Variants in WWOX observed in about 807,000 individuals in gnomAD.
WWOX encodes the protein WW domain containing oxidoreductase.
In WWOX, 69 loss-of-function variants were observed where a neutral mutation model predicts 46.2. The observed-to-expected ratio is 1.49, with a 90% CI of 1.23 to 1.82. WWOX has a LOEUF of 1.82. Ranked by LOEUF, WWOX falls within the 40% of genes most tolerant of loss-of-function variation. WWOX has a pLI of 0.00. For missense variants in WWOX, 919 were observed against 542.6 expected (o/e 1.69, Z -6.89); for synonymous variants, 359 against 202.6 (o/e 1.77, Z -6.56).
rs189157268 is a variant in WWOX, at chr16:78,182,820, G to A, written c.516+18531G>A. 3.0e-4 allele frequency among the ~76,000 whole-genome samples: 45 copies of A among 151,936 alleles called. No individual in the cohort carries two copies. In the East Asian group the frequency reaches 8.6e-3, roughly 29 times the overall value. On this transcript the variant is annotated intron_variant, in intron 5 of 8. Transcript: ENST00000566780. ...ACAAAAATTAGCAGGGCATGGTGGC[G>A]GGTACCTGTAGTGCCAGCTGCTTGG...
At chr16:78,143,018 T>C (rs2034040003) in intron 4 of WWOX, among the ~76,000 whole-genome samples, 1 of 152,206 alleles carries the variant, frequency 6.6e-6, no homozygotes, top group Non-Finnish European at 1.5e-5. Flanking sequence ...AACACATTTG[T>C]CAGTTTTACA....
intron 8 of WWOX, among the ~76,000 whole-genome samples, chr16:78,987,108 T>G (rs1286433974): frequency 1.3e-5 from 2 of 152,204 alleles, no homozygotes; most frequent in Non-Finnish European, 1.5e-5. Context: ...AACTTGCCAC[T>G]TTGATAGCAG....
chr16:78,975,976 G>T (rs372796898), intron 8 of WWOX, among the ~76,000 whole-genome samples: 2 of 152,284 alleles, frequency 1.3e-5, no homozygotes, highest in East Asian at 3.9e-4. Context: ...AGTTGCCGGT[G>T]CTTGGAAACC....
At chr16:78,795,856 A>G (rs938562133) in intron 8 of WWOX, among the ~76,000 whole-genome samples, 1 of 152,192 alleles carries the variant, frequency 6.6e-6, no homozygotes. Context: ...TGAGTACCCA[A>G]TAAATGCAAT....
rs2080902072 is a variant in WWOX, at chr16:78,336,852, G to C, written c.517-50008G>C. ...TCATTTCCCAGGATGGAGTGCAGTG[G>C]TGCAATCTCCTCCGCCTCCCAGTTT... On this transcript the variant is annotated intron_variant, in intron 5 of 8. Transcript: ENST00000566780. 3.3e-5 allele frequency among the ~76,000 whole-genome samples: 5 copies of C among 152,116 alleles called. No individual in the cohort carries two copies. The South Asian group carries it at 1.0e-3, about 32-fold the overall frequency.
In WWOX at chr16:78,685,267, C is replaced by T. The variant is rs570785763; in HGVS notation, c.1056+252515C>T. 2.0e-5 allele frequency among the ~76,000 whole-genome samples: 3 copies of T among 152,264 alleles called. No homozygotes were observed. The South Asian group carries it at 6.2e-4, about 32-fold the overall frequency. ...TCAAGTGTTTGGTTTGGTCTTGTTTCTAATGACTCAAGTGATGAGGCCTGG... is the reference window on the plus strand; with the variant it reads ...TCAAGTGTTTGGTTTGGTCTTGTTTTTAATGACTCAAGTGATGAGGCCTGG... On this transcript the variant is annotated intron_variant, in intron 8 of 8. Coordinates refer to ENST00000566780, the MANE Select transcript of WWOX (RefSeq NM_016373.4).
At chr16:79,033,421 C>A (rs372725352) in intron 8 of WWOX, among the ~76,000 whole-genome samples, 1 of 151,320 alleles carries the variant, frequency 6.6e-6, no homozygotes, top group Non-Finnish European at 1.5e-5. Context: ...GCATAGTATT[C>A]CATGGTGTAG....
intron 8 of WWOX, among the ~76,000 whole-genome samples, chr16:78,915,726 C>T (rs969809644): frequency 2.6e-5 from 4 of 152,140 alleles, no homozygotes; most frequent in Non-Finnish European, 1.5e-5. Context: ...AGTTCTCATC[C>T]CGTCATCTGC....
intron 8 of WWOX, among the ~76,000 whole-genome samples, chr16:78,684,421 C>G (rs978336167): frequency 2.6e-5 from 4 of 152,176 alleles, no homozygotes; most frequent in African/African-American, 9.7e-5. Flanking sequence ...CAGTTTAGGG[C>G]CAAGTGAGTT....
intron 8 of WWOX, among the ~76,000 whole-genome samples, chr16:78,941,514 C>A (rs915789780): frequency 2.0e-5 from 3 of 150,376 alleles, no homozygotes; most frequent in African/African-American, 7.4e-5. Flanking sequence ...TTCAGGAGTT[C>A]ATAGTAGTCC....
intron 8 of WWOX, among the ~76,000 whole-genome samples, chr16:78,964,906 G>A (rs1295033415): frequency 1.3e-5 from 2 of 152,238 alleles, no homozygotes; most frequent in Non-Finnish European, 2.9e-5. Context: ...GGCTTCAGAG[G>A]GTGGAAGCCC....
chr16:79,090,496 G>C (rs1361878621), intron 8 of WWOX, among the ~76,000 whole-genome samples: 1 of 152,082 alleles, frequency 6.6e-6, no homozygotes, highest in East Asian at 1.9e-4. Context: ...ATTCTACTTG[G>C]GGAAAGAGAC....
chr16:78,955,037 G>A (rs528418828), intron 8 of WWOX, among the ~76,000 whole-genome samples: 4 of 152,250 alleles, frequency 2.6e-5, no homozygotes, highest in East Asian at 3.9e-4. Flanking sequence ...TGATCCTTCT[G>A]CATTGTCCCC....
rs373250520 is a variant in WWOX at position 78,593,353 on chromosome 16, T to C, written c.1056+160601T>C. Among the ~76,000 whole-genome samples, 15 of 152,312 alleles carry C rather than the reference T, an allele frequency of 9.8e-5. No individual in the cohort carries two copies. In the East Asian group the frequency reaches 2.7e-3, roughly 28 times the overall value. On this transcript the variant is annotated intron_variant, in intron 8 of 8. Coordinates refer to ENST00000566780, the MANE Select transcript of WWOX (RefSeq NM_016373.4). ...ACCATCCCTGGCCTTGATACTGATA[T>C]TTTATTGTCCTAACTGACAGTTTTG...
intron 8 of WWOX, among the ~76,000 whole-genome samples, chr16:78,639,115 C>T (rs1366898960): frequency 2.0e-5 from 3 of 152,162 alleles, no homozygotes; most frequent in Admixed American, 6.5e-5. Flanking sequence ...CATACTTGGA[C>T]ATTTATTGTT....
chr16:78,221,434 G>A (rs1305312229), intron 5 of WWOX, among the ~76,000 whole-genome samples: 2 of 152,270 alleles, frequency 1.3e-5, no homozygotes, highest in East Asian at 3.9e-4. Context: ...TACTTTAATT[G>A]TGTACTTTGA....
At chr16:79,027,639 C>T (rs1172484793) in intron 8 of WWOX, among the ~76,000 whole-genome samples, 1 of 151,862 alleles carries the variant, frequency 6.6e-6, no homozygotes, top group Admixed American at 6.6e-5. Flanking sequence ...TGAATTCGGT[C>T]ATTGTTATAA....
intron 8 of WWOX, among the ~76,000 whole-genome samples, chr16:78,758,542 C>A (rs565813211): frequency 1.3e-5 from 2 of 152,248 alleles, no homozygotes; most frequent in Admixed American, 6.5e-5. Flanking sequence ...ACGCCACTAT[C>A]TATACTTTTC....
At chr16:78,679,602 C>T (rs962764755) in intron 8 of WWOX, among the ~76,000 whole-genome samples, 13 of 152,272 alleles carry the variant, frequency 8.5e-5, no homozygotes, top group Middle Eastern at 6.8e-3. Flanking sequence ...ACAGGCTTTT[C>T]TCCCCACCTC....
Sources: gnomAD v4.1 joint callset for allele counts (sites outside exome capture counted in the v4.1 genomes callset) on GRCh38, gnomAD v4.1.1 for gene constraint, MANE v1.5 for transcripts, NCBI Gene and HGNC (gene_info 2026-07-23, HGNC 2026-07-21) for gene names.